The following PLXDC2 variants were observed in gnomAD, a reference collection of about 807,000 sequenced individuals.
PLXDC2 encodes the protein plexin domain-containing protein 2.
In PLXDC2, 40 loss-of-function variants were observed where a neutral mutation model predicts 68.9. That is an observed-to-expected ratio of 0.58 (90% CI 0.45 to 0.76). The LOEUF is 0.76. Among genes scored for constraint, PLXDC2 ranks in the 30% least tolerant of loss-of-function variants. The pLI is 0.00. For synonymous variants in PLXDC2, 243 were observed against 234.2 expected (o/e 1.04, Z -0.34); for missense variants, 644 against 661.9 (o/e 0.97, Z 0.30).
intron 4 of PLXDC2, chr10:20,070,754 A>G (rs573712506): frequency 2.6e-5 from 4 of 152,352 alleles, no homozygotes; most frequent in Non-Finnish European, 5.9e-5. Context: ...ACTATGAACC[A>G]TATGTGCTTA....
chr10:20,198,893 A>G (rs1834877986), intron 9 of PLXDC2, among the ~76,000 whole-genome samples: 2 of 152,090 alleles, frequency 1.3e-5, no homozygotes, highest in South Asian at 2.1e-4. Context: ...TCATACTGAT[A>G]AAGTACAATG....
intron 9 of PLXDC2, among the ~76,000 whole-genome samples, chr10:20,204,068 A>G (rs780234101): frequency 4.6e-5 from 7 of 152,124 alleles, no homozygotes; most frequent in Non-Finnish European, 7.3e-5. Flanking sequence ...TAAATGGTTC[A>G]GGTATGAAAA....
At chr10:20,237,161 A>G (rs1400521343) in intron 12 of PLXDC2, among the ~76,000 whole-genome samples, 1 of 152,152 alleles carries the variant, frequency 6.6e-6, no homozygotes, top group Non-Finnish European at 1.5e-5. Context: ...ATGTCCTTAG[A>G]TGTGTTTTGT....
chr10:20,176,873 A>C (rs1296404990), intron 7 of PLXDC2, 126 bp from the exon 8 acceptor site: 3 of 638,072 alleles, frequency 4.7e-6, no homozygotes, highest in Non-Finnish European at 7.9e-6. Flanking sequence ...GTCTTCTCAC[A>C]GGATGAGGCT....
rs1390981163 is a variant in PLXDC2 at position 19,978,603 on chromosome 10, A to G, written c.113-23172A>G. 2.0e-5 allele frequency among the ~76,000 whole-genome samples: 3 copies of G among 152,212 alleles called. No individual in the cohort carries two copies. The East Asian group carries it at 5.8e-4, about 29-fold the overall frequency. On this transcript the variant is annotated intron_variant, in intron 1 of 13. Coordinates refer to ENST00000377252, the MANE Select transcript of PLXDC2 (RefSeq NM_032812.9). Reference sequence around the variant, plus strand: ...AAGTAACTTATGGCCAGCAGAATTCAGTGTTACTAATGGTTGTTAGAGTTT... The same window carrying G: ...AAGTAACTTATGGCCAGCAGAATTCGGTGTTACTAATGGTTGTTAGAGTTT...
At chr10:20,116,158 G>T (rs1257988075) in intron 4 of PLXDC2, among the ~76,000 whole-genome samples, 16 of 152,196 alleles carry the variant, frequency 1.1e-4, no homozygotes, top group Admixed American at 1.0e-3. Flanking sequence ...TCCCCTTTCA[G>T]AAGTGCCTCT....
chr10:19,827,300 G>C (rs1318095457), intron 1 of PLXDC2, among the ~76,000 whole-genome samples: 1 of 152,144 alleles, frequency 6.6e-6, no homozygotes, highest in Non-Finnish European at 1.5e-5. Context: ...TATCTGATGG[G>C]ACAAACCGGT....
At chr10:20,129,803 T>TG (rs1833843633) in intron 4 of PLXDC2, among the ~76,000 whole-genome samples, 1 of 152,082 alleles carries the variant, frequency 6.6e-6, no homozygotes, top group African/African-American at 2.4e-5. Context: ...TCATAGTTGT[T>TG]GAAAATCAAT....
intron 1 of PLXDC2, among the ~76,000 whole-genome samples, chr10:19,933,431 C>T (rs535220676): frequency 2.8e-4 from 42 of 152,074 alleles, no homozygotes; most frequent in African/African-American, 8.7e-4. Context: ...GTCAGGAGTT[C>T]GAGACCAGCC....
chr10:19,976,448 C>T (rs954951275), intron 1 of PLXDC2, among the ~76,000 whole-genome samples: 3 of 152,092 alleles, frequency 2.0e-5, no homozygotes, highest in South Asian at 2.1e-4. Context: ...CTCCTGACCG[C>T]GTGATCCACC....
intron 3 of PLXDC2, among the ~76,000 whole-genome samples, chr10:20,054,235 C>A (rs1232711886): frequency 7.2e-5 from 11 of 151,798 alleles, no homozygotes; most frequent in Non-Finnish European, 1.0e-4. Context: ...GATTAGATAG[C>A]AAGGGTGGGG....
At chr10:20,186,665 A>G (rs968907968) in intron 9 of PLXDC2, among the ~76,000 whole-genome samples, 7 of 151,856 alleles carry the variant, frequency 4.6e-5, no homozygotes, top group African/African-American at 7.3e-5. Flanking sequence ...AACATGCAGT[A>G]TTTGGTTTTC....
In PLXDC2 at chr10:20,285,679, T is replaced by C. The variant is rs1836144562; in HGVS notation, c.*5860T>C. On this transcript the variant is annotated 3_prime_UTR_variant, in exon 14 of 14. Coordinates refer to ENST00000377252, the MANE Select transcript of PLXDC2 (RefSeq NM_032812.9). ...ACCAGATGCAACAGTTGAAGTTTGA[T>C]TTCTCGACCCAATATTTCTATTGGG... 1 of 152,222 alleles carries C rather than the reference T, an allele frequency of 6.6e-6. No individual in the cohort carries two copies. Among genetic ancestry groups the C allele is most frequent in the African/African-American group, 2.4e-5 (1 of 41,454 alleles). The allele number at this position is 152,222 out of a possible 1,614,324, so 9.4% of individuals were successfully genotyped here. A position where few individuals can be genotyped will look rare whatever the true frequency, so the allele number is the denominator to read the frequency against.
At chr10:20,082,130 A>G (rs1421405183) in intron 4 of PLXDC2, among the ~76,000 whole-genome samples, 1 of 151,448 alleles carries the variant, frequency 6.6e-6, no homozygotes. Context: ...GAAACATAAC[A>G]GCTAAATATA....
intron 2 of PLXDC2, among the ~76,000 whole-genome samples, chr10:20,028,481 A>G (rs1986634): frequency 0.86 from 129,926 of 151,934 alleles, 55,762 homozygotes; most frequent in African/African-American, 0.91. Flanking sequence ...TTGCGAATGT[A>G]CTATATTTGG....
At chr10:20,040,988 G>T (rs1835672117) in intron 2 of PLXDC2, among the ~76,000 whole-genome samples, 1 of 152,076 alleles carries the variant, frequency 6.6e-6, no homozygotes, top group Non-Finnish European at 1.5e-5. Context: ...ATATTTTCAT[G>T]GTTGATAGTA....
intron 1 of PLXDC2, among the ~76,000 whole-genome samples, chr10:19,952,968 G>A (rs1051318167): frequency 2.6e-5 from 4 of 151,838 alleles, no homozygotes; most frequent in Non-Finnish European, 4.4e-5. Context: ...GGATTCAGGC[G>A]ATTCTCCTGC....
At chr10:20,145,805 G>A (rs1341655831) in intron 5 of PLXDC2, among the ~76,000 whole-genome samples, 4 of 151,908 alleles carry the variant, frequency 2.6e-5, no homozygotes, top group Non-Finnish European at 5.9e-5. Context: ...CGCCTGCCTC[G>A]GCCTCTCAAA....
intron 2 of PLXDC2, among the ~76,000 whole-genome samples, chr10:20,005,937 C>T (rs12263753): frequency 0.014 from 2,099 of 152,246 alleles, 49 homozygotes; most frequent in African/African-American, 0.049. Context: ...CACCTGTAAT[C>T]CCAGCACTTT....
Sources: gnomAD v4.1 joint callset for allele counts (sites outside exome capture counted in the v4.1 genomes callset) on GRCh38, gnomAD v4.1.1 for gene constraint, MANE v1.5 for transcripts, NCBI Gene and HGNC (gene_info 2026-07-23, HGNC 2026-07-21) for gene names.